Variants in MYH15 observed in about 807,000 individuals in gnomAD.
MYH15 encodes the protein myosin heavy chain 15.
Under a neutral mutation model 240.5 loss-of-function variants are expected in MYH15, and 227 were observed. The observed-to-expected ratio is 0.94, with a 90% confidence interval of 0.85 to 1.05. The LOEUF is 1.05. Among genes scored for constraint, MYH15 ranks in the 50% least tolerant of loss-of-function variants. The pLI, the probability that MYH15 is intolerant of heterozygous loss-of-function variation, is 0.00. For synonymous variants in MYH15, 785 were observed against 796.7 expected (o/e 0.99, Z 0.25); for missense variants, 2,217 against 2,247.5 (o/e 0.99, Z 0.27).
chr3:108,518,066 G>A (rs2083588253), intron 1 of MYH15, among the ~76,000 whole-genome samples: 1 of 152,168 alleles, frequency 6.6e-6, no homozygotes, highest in African/African-American at 2.4e-5. Flanking sequence ...TTTGGAAACA[G>A]TGCCAATATA....
the MYH15 span, among the ~76,000 whole-genome samples, chr3:108,548,964 G>A: frequency 6.6e-6 from 1 of 151,784 alleles, no homozygotes; most frequent in Non-Finnish European, 1.5e-5. Flanking sequence ...TTTTTTTCCT[G>A]ACATTAAATT....
At chr3:108,527,813 A>G (rs1300071945) in intron 1 of MYH15, among the ~76,000 whole-genome samples, 1 of 152,208 alleles carries the variant, frequency 6.6e-6, no homozygotes, top group Non-Finnish European at 1.5e-5. Context: ...TCTCTGGGCT[A>G]TAGTTTTCTC....
chr3:108,397,553 A>G (rs185509111), intron 35 of MYH15, among the ~76,000 whole-genome samples: 96 of 152,358 alleles, frequency 6.3e-4, no homozygotes, highest in African/African-American at 1.7e-3. Context: ...TTCTGTGTCT[A>G]TACCATCCAT....
chr3:108,505,214 T>C (rs1012795063), intron 2 of MYH15, among the ~76,000 whole-genome samples: 7 of 152,218 alleles, frequency 4.6e-5, no homozygotes, highest in Non-Finnish European at 7.3e-5. Flanking sequence ...GCAATTGTTT[T>C]ACTCTGATTT....
intron 25 of MYH15, among the ~76,000 whole-genome samples, chr3:108,435,598 T>C (rs1353935995): frequency 6.7e-6 from 1 of 149,866 alleles, no homozygotes; most frequent in East Asian, 1.9e-4. Flanking sequence ...TTTCCCTTAG[T>C]ATAATGTCCT....
Position 108,501,749 on chromosome 3 carries a change from T to C in MYH15, c.302A>G (p.His101Arg). ...CTGGCCATAGCGCCGCTTCAGGGTA[T>C]GCAGCACGGATGCCTCATTGAGGTG... The part of the protein sequence containing the change: ...LTHLNEASVL[H>R]TLKRRYGQWM... The change falls in exon 3 of 41, where the codon CAT (histidine) becomes CGT (arginine). Residue 101 changes from histidine to arginine, a missense_variant. Coordinates refer to ENST00000693548, the MANE Select transcript of MYH15 (RefSeq NM_014981.3). 6.2e-7 allele frequency: 1 copy of C among 1,614,130 alleles called. No homozygotes were observed. Among genetic ancestry groups the C allele is most frequent in the Non-Finnish European group, 8.5e-7 (1 of 1,179,980 alleles).
upstream of MYH15, among the ~76,000 whole-genome samples, chr3:108,530,641 T>C (rs992057121): frequency 6.6e-6 from 1 of 152,142 alleles, no homozygotes; most frequent in Non-Finnish European, 1.5e-5. Flanking sequence ...GGTGGGGATG[T>C]TGATAATGGG....
At chr3:108,443,869 T>C (rs959419190) in intron 22 of MYH15, among the ~76,000 whole-genome samples, 1 of 151,338 alleles carries the variant, frequency 6.6e-6, no homozygotes, top group Non-Finnish European at 1.5e-5. Flanking sequence ...CTTTATTTTT[T>C]TTTTTTTAAT....
At position 108,408,367 on chromosome 3, in the gene MYH15, C is replaced by G. The variant is rs773626468; in HGVS notation, c.4533G>C (p.Gly1511=). Residue 1511 remains glycine (G), a synonymous_variant, in exon 32 of 41, where the codon GGG becomes GGC. Coordinates refer to ENST00000693548, the MANE Select transcript of MYH15 (RefSeq NM_014981.3). ...ISNLTNQVRE[G]TKNLTEMEKV... ...TTTCCATTTCAGTTAAGTTCTTGGTCCCTTCTCTAACCTGGTTTGTCAGAT... is the reference window on the plus strand; with the variant it reads ...TTTCCATTTCAGTTAAGTTCTTGGTGCCTTCTCTAACCTGGTTTGTCAGAT... 1 of 1,613,094 alleles carries G rather than the reference C, an allele frequency of 6.2e-7. No individual in the cohort carries two copies. Among genetic ancestry groups the G allele is most frequent in the South Asian group, 1.1e-5 (1 of 90,918 alleles).
chr3:108,435,310 G>A (rs1283547824), intron 25 of MYH15, among the ~76,000 whole-genome samples: 1 of 151,998 alleles, frequency 6.6e-6, no homozygotes, highest in East Asian at 1.9e-4. Context: ...TTTAAAAATT[G>A]TGGTAAGAAC....
the MYH15 span, among the ~76,000 whole-genome samples, chr3:108,542,881 C>CTTT: frequency 1.1e-4 from 14 of 133,202 alleles, no homozygotes; most frequent in African/African-American, 1.4e-4. Flanking sequence ...GATCTCGTTC[C>CTTT]TTTTTTTTTT....
chr3:108,524,460 AT>A lies in MYH15; in HGVS notation c.-58+4802del, dbSNP rs1337710425. On this transcript the variant is annotated intron_variant, in intron 1 of 41. Transcript: ENST00000273353. ...TTTGTACATTTTGTGTGCTAATCCT[AT>A]GTCTTTTATTATTAATTTAATTTAC... Among the ~76,000 whole-genome samples the A allele has an allele frequency of 6.6e-5, 10 of 151,300 alleles. 1 individual carries two copies. The highest frequency in any genetic ancestry group is 6.6e-4 in the Admixed American group (10 of 15,208).
Position 108,414,418 on chromosome 3 carries a change from G to A in MYH15, c.3959C>T (p.Ala1320Val). The change falls in exon 30 of 41, where the codon GCC (alanine) becomes GTC (valine). Residue 1320 changes from alanine (A) to valine (V), a missense_variant. Transcript: ENST00000693548. ...AGCCTTCTGCAGGGCATGGGCCAGG[G>A]CACTCTGGGACTGTAGGGGACACAC... ...QLEKETKSQS[A>V]LAHALQKAQR... 1 of 1,613,786 alleles carries A rather than the reference G, an allele frequency of 6.2e-7. No individual in the cohort carries two copies. The highest frequency in any genetic ancestry group is 8.5e-7 in the Non-Finnish European group (1 of 1,179,936).
intron 37 of MYH15, 66 bp from the exon 38 acceptor site, chr3:108,389,140 G>T: frequency 7.2e-7 from 1 of 1,397,516 alleles, no homozygotes; most frequent in Non-Finnish European, 1.0e-6. Context: ...TTGCTGATTG[G>T]CACAATCATT....
chr3:108,437,495 A>T (rs1454614949), intron 25 of MYH15, 59 bp downstream of exon 25: 1 of 1,557,224 alleles, frequency 6.4e-7, no homozygotes, highest in South Asian at 1.3e-5. Context: ...GAAATGAGAA[A>T]GCTGTTCCTT....
At position 108,389,050 on chromosome 3, in the gene MYH15, C is replaced by G. The variant is rs1309085513; in HGVS notation, c.5455G>C (p.Glu1819Gln). ...SRVRELEGEL[E>Q]GEIRRSAEAQ... ...TCTGCACTGCGACGGATTTCACCCT[C>G]CAGTTCACCTTCCAGTTCACGAACC... Residue 1819 changes from glutamate to glutamine, a missense_variant, in exon 38 of 41, where the codon GAG (glutamate) becomes CAG (glutamine). Glu to Gln is a conservative substitution (Grantham distance 29, BLOSUM62 2). Coordinates refer to ENST00000693548, the MANE Select transcript of MYH15 (RefSeq NM_014981.3). The G allele has an allele frequency of 1.2e-6, 2 of 1,613,988 alleles. No homozygotes were observed. The highest frequency in any genetic ancestry group is 1.7e-6 in the Non-Finnish European group (2 of 1,179,918).
chr3:108,452,971 A>G (rs1227694553), intron 21 of MYH15, among the ~76,000 whole-genome samples: 1 of 152,148 alleles, frequency 6.6e-6, no homozygotes, highest in East Asian at 1.9e-4. Context: ...AGAAATTAAT[A>G]ATAATAATGT....
intron 25 of MYH15, among the ~76,000 whole-genome samples, chr3:108,436,531 A>G (rs2082838440): frequency 6.6e-6 from 1 of 152,104 alleles, no homozygotes; most frequent in African/African-American, 2.4e-5. Flanking sequence ...CCATTGATAT[A>G]CTACTATCTT....
chr3:108,485,035 G>C (rs2083293995), intron 11 of MYH15, 56 bp downstream of exon 11: 3 of 1,567,616 alleles, frequency 1.9e-6, no homozygotes, highest in Non-Finnish European at 2.6e-6. Flanking sequence ...GTAAAGGGGA[G>C]CAGGCTTGGG....
Sources: gnomAD v4.1 joint callset for allele counts (sites outside exome capture counted in the v4.1 genomes callset) on GRCh38, gnomAD v4.1.1 for gene constraint, MANE v1.5 for transcripts, NCBI Gene and HGNC (gene_info 2026-07-23, HGNC 2026-07-21) for gene names.